CSMD1: variants seen among roughly 807,000 people sequenced by gnomAD.
The protein encoded by CSMD1 is CUB and Sushi multiple domains 1.
CSMD1 carries 213 observed loss-of-function variants against 417.5 expected under a neutral mutation model. The ratio of observed to expected loss-of-function variants is 0.51; its 90% CI spans 0.46 to 0.57. CSMD1 has a LOEUF of 0.57. Ranked by LOEUF, CSMD1 falls within the 20% of genes least tolerant of loss-of-function variation. The probability of loss-of-function intolerance (pLI) is 0.00; values close to 1 mark genes in which losing one functional copy is unlikely to be tolerated. For missense variants in CSMD1, 6,923 were observed against 4,529.7 expected (o/e 1.53, Z -15.17); for synonymous variants, 2,862 against 1,736.8 (o/e 1.65, Z -16.11).
At chr8:4,633,862 A>T (rs1283204266) in intron 2 of CSMD1, among the ~76,000 whole-genome samples, 1 of 152,120 alleles carries the variant, frequency 6.6e-6, no homozygotes, top group Non-Finnish European at 1.5e-5. Context: ...TGCTTAGCCC[A>T]AGACATGTTA....
chr8:3,356,906 C>A (rs990830033), intron 21 of CSMD1, among the ~76,000 whole-genome samples: 1 of 152,032 alleles, frequency 6.6e-6, no homozygotes. Flanking sequence ...GAAGCACTGA[C>A]CAGGCTCTGT....
intron 4 of CSMD1, among the ~76,000 whole-genome samples, chr8:4,000,435 G>A (rs889794932): frequency 1.3e-5 from 2 of 152,182 alleles, no homozygotes; most frequent in African/African-American, 4.8e-5. Flanking sequence ...AAAATAAGAG[G>A]AAGAACATAT....
intron 5 of CSMD1, among the ~76,000 whole-genome samples, chr8:3,777,933 G>A (rs533712764): frequency 3.3e-5 from 5 of 152,026 alleles, no homozygotes; most frequent in Non-Finnish European, 7.4e-5. Context: ...TCCTTGAAGG[G>A]CAGAGTCTCA....
intron 1 of CSMD1, among the ~76,000 whole-genome samples, chr8:4,703,223 G>A (rs1430120799): frequency 6.6e-6 from 1 of 152,316 alleles, no homozygotes; most frequent in East Asian, 1.9e-4. Flanking sequence ...CTCATACAGT[G>A]TAAACCAACG....
At chr8:4,760,946 A>T (rs1407130569) in intron 1 of CSMD1, among the ~76,000 whole-genome samples, 1 of 152,104 alleles carries the variant, frequency 6.6e-6, no homozygotes, top group African/African-American at 2.4e-5. Context: ...TAATTTATTG[A>T]CTTATTTCAG....
intron 3 of CSMD1, among the ~76,000 whole-genome samples, chr8:4,204,451 G>A (rs577699749): frequency 6.6e-6 from 1 of 152,158 alleles, no homozygotes; most frequent in South Asian, 2.1e-4. Flanking sequence ...TTTCCTTCAT[G>A]AACACCTGAG....
At chr8:4,562,811 G>C (rs952075364) in intron 2 of CSMD1, among the ~76,000 whole-genome samples, 3 of 152,024 alleles carry the variant, frequency 2.0e-5, no homozygotes, top group Non-Finnish European at 4.4e-5. Flanking sequence ...AAATACAGCA[G>C]ATCATTTATT....
chr8:4,065,015 A>C (rs151258574), intron 3 of CSMD1, among the ~76,000 whole-genome samples: 5 of 152,126 alleles, frequency 3.3e-5, no homozygotes, highest in African/African-American at 1.2e-4. Context: ...TAAGTTGTTC[A>C]TTTTTAAAAA....
intron 1 of CSMD1, among the ~76,000 whole-genome samples, chr8:4,817,294 C>G (rs1249977820): frequency 6.6e-6 from 1 of 152,138 alleles, no homozygotes; most frequent in African/African-American, 2.4e-5. Flanking sequence ...CCCAATCAAG[C>G]TATACATTAA....
chr8:4,984,535 G>A (rs1259146835), intron 1 of CSMD1, among the ~76,000 whole-genome samples: 1 of 152,168 alleles, frequency 6.6e-6, no homozygotes, highest in East Asian at 1.9e-4. Context: ...AAGTTTTCTT[G>A]TCTGTTCTCC....
chr8:3,889,494 A>T (rs3102410), intron 5 of CSMD1, among the ~76,000 whole-genome samples: 5,668 of 38,044 alleles, frequency 0.15, 803 homozygotes, highest in East Asian at 0.24. Flanking sequence ...TATATATATA[A>T]AATATGCTCA....
intron 3 of CSMD1, among the ~76,000 whole-genome samples, chr8:4,053,178 T>A (rs557539667): frequency 6.6e-6 from 1 of 152,132 alleles, no homozygotes; most frequent in Non-Finnish European, 1.5e-5. Flanking sequence ...CAGGTGCAAA[T>A]TTGAAGCCTG....
chr8:3,774,229 G>C (rs755031680), intron 5 of CSMD1, among the ~76,000 whole-genome samples: 22 of 152,100 alleles, frequency 1.4e-4, no homozygotes, highest in Non-Finnish European at 2.4e-4. Flanking sequence ...ACAACTTTTG[G>C]CTCAAATGCC....
At chr8:4,967,466 G>A (rs554505312) in intron 1 of CSMD1, among the ~76,000 whole-genome samples, 1 of 152,234 alleles carries the variant, frequency 6.6e-6, no homozygotes, top group South Asian at 2.1e-4. Context: ...TATTACCAGT[G>A]AATATATTAG....
chr8:3,133,955 G>A (rs758027350), intron 41 of CSMD1, among the ~76,000 whole-genome samples: 28 of 152,108 alleles, frequency 1.8e-4, no homozygotes, highest in Non-Finnish European at 2.6e-4. Context: ...CAGGCAGATC[G>A]GATCATGAGG....
chr8:4,368,485 T>G (rs532314223), intron 3 of CSMD1, among the ~76,000 whole-genome samples: 2 of 152,194 alleles, frequency 1.3e-5, no homozygotes, highest in Non-Finnish European at 2.9e-5. Context: ...GCTGGTTTCA[T>G]AAAGTGACTT....
chr8:3,422,121 T>A (rs1303016228), intron 12 of CSMD1, among the ~76,000 whole-genome samples: 1 of 152,016 alleles, frequency 6.6e-6, no homozygotes, highest in Non-Finnish European at 1.5e-5. Context: ...ATCAATGAAA[T>A]CTCCAAGGTC....
At chr8:4,030,690 C>T (rs534052903) in intron 4 of CSMD1, among the ~76,000 whole-genome samples, 1 of 152,316 alleles carries the variant, frequency 6.6e-6, no homozygotes, top group East Asian at 1.9e-4. Flanking sequence ...GTTACTTATA[C>T]AAATTTCTGC....
intron 5 of CSMD1, among the ~76,000 whole-genome samples, chr8:3,843,905 C>G (rs530280341): frequency 3.3e-5 from 5 of 152,076 alleles, no homozygotes; most frequent in South Asian, 4.2e-4. Context: ...TAATTTACAC[C>G]CAGCAGAACT....
Sources: gnomAD v4.1 joint callset for allele counts (sites outside exome capture counted in the v4.1 genomes callset) on GRCh38, gnomAD v4.1.1 for gene constraint, MANE v1.5 for transcripts, NCBI Gene and HGNC (gene_info 2026-07-23, HGNC 2026-07-21) for gene names.